BAIAP2L2: variants seen among roughly 807,000 people sequenced by gnomAD.
The protein encoded by BAIAP2L2 is BAR/IMD domain-containing adapter protein 2-like 2.
Under a neutral mutation model 60.4 loss-of-function variants are expected in BAIAP2L2, and 65 were observed. That is an observed-to-expected ratio of 1.08 (90% CI 0.88 to 1.32). The LOEUF (loss-of-function observed/expected upper bound fraction) is 1.32, where lower values mean the gene tolerates loss of function less well. Ranked by LOEUF, BAIAP2L2 falls within the 40% of genes most tolerant of loss-of-function variation. BAIAP2L2 has a pLI of 0.00. For synonymous variants in BAIAP2L2, 344 were observed against 301.7 expected (o/e 1.14, Z -1.45); for missense variants, 836 against 741.2 (o/e 1.13, Z -1.48).
intron 10 of BAIAP2L2, 106 bp downstream of exon 10, chr22:38,088,642 C>T (rs2086172733): frequency 9.4e-6 from 11 of 1,165,462 alleles, no homozygotes; most frequent in Non-Finnish European, 1.2e-5. Flanking sequence ...TTGTCCGAGG[C>T]CCCCGGGGGA....
At chr22:38,098,548 T>C in intron 4 of BAIAP2L2, 66 bp from the exon 5 acceptor site, 1 of 1,335,792 alleles carries the variant, frequency 7.5e-7, no homozygotes, top group Non-Finnish European at 1.1e-6. Context: ...AGCACCCCCT[T>C]GCACTTTCTG....
At chr22:38,098,008 CCGAGG>C in intron 6 of BAIAP2L2, 50 bp downstream of exon 6, 2 of 506,978 alleles carry the variant, frequency 3.9e-6, no homozygotes, top group Non-Finnish European at 2.8e-6. Context: ...CGGTCTCGCC[CCGAGG>C]TCTGCCCACC....
intron 12 of BAIAP2L2, 77 bp from the exon 13 acceptor site, chr22:38,085,809 C>T: frequency 7.3e-7 from 1 of 1,373,262 alleles, no homozygotes; most frequent in Non-Finnish European, 1.0e-6. Flanking sequence ...TCCCTCTCCC[C>T]ATGCCCAAGG....
chr22:38,087,158 T>TCATGGGTGC lies in BAIAP2L2; in HGVS notation c.1224_1225insGCACCCATG (p.Met408_Thr409insAlaProMet), dbSNP rs780799342. 6.3e-7 allele frequency: 1 copy of TCATGGGTGC among 1,588,802 alleles called. No individual in the cohort carries two copies. Among genetic ancestry groups the TCATGGGTGC allele is most frequent in the African/African-American group, 1.4e-5 (1 of 73,602 alleles). On this transcript the variant is annotated inframe_insertion, in exon 11 of 14. Transcript: ENST00000381669. ...AGCTCGTTCCCGGGGTTCATGGGTG[T>TCATGGGTGC]CATGGGGGACATGGAGGTCATGGAG...
At position 38,104,518 on chromosome 22, in the gene BAIAP2L2, C is replaced by T. The variant is rs185768083; in HGVS notation, c.276+3334G>A. Among the ~76,000 whole-genome samples, 1,297 of 142,634 alleles carry T rather than the reference C, an allele frequency of 9.1e-3. 31 individuals are homozygous for T. The East Asian group carries it at 0.1, about 11-fold the overall frequency. 93.6% of individuals were successfully genotyped at this position (142,634 alleles called of 152,430 possible). A position where few individuals can be genotyped will look rare whatever the true frequency, so the allele number is the denominator to read the frequency against. ...TTTCTTTTTTTTTTTTTTTTTGAGA[C>T]GGAGTATTGCTCTGTCGCCCAGGCT... On this transcript the variant is annotated intron_variant, in intron 4 of 13. Coordinates refer to ENST00000381669, the MANE Select transcript of BAIAP2L2 (RefSeq NM_025045.6).
In BAIAP2L2 at chr22:38,088,896, C is replaced by A; in HGVS notation, c.970G>T (p.Gly324Trp). Residue 324 changes from glycine (G) to tryptophan (W), a missense_variant, in exon 10 of 14, where the codon GGG (glycine) becomes TGG (tryptophan). Coordinates refer to ENST00000381669, the MANE Select transcript of BAIAP2L2 (RefSeq NM_025045.6). Reference sequence around the variant, plus strand: ...AGGGCGCGGACTCTCCTGGCGCCCCCGCCGCCGCCCGGGCGCTCGCCAAAG... The same window carrying A: ...AGGGCGCGGACTCTCCTGGCGCCCCAGCCGCCGCCCGGGCGCTCGCCAAAG... ...NSFGERPGGG[G>W]GARRVRALVS... The A allele has an allele frequency of 6.4e-7, 1 of 1,571,980 alleles. No individual in the cohort carries two copies. Among genetic ancestry groups the A allele is most frequent in the Non-Finnish European group, 8.6e-7 (1 of 1,167,024 alleles).
At chr22:38,098,333 G>T in intron 5 of BAIAP2L2, 78 bp downstream of exon 5, 1 of 1,496,818 alleles carries the variant, frequency 6.7e-7, no homozygotes, top group Non-Finnish European at 9.3e-7. Context: ...GCACTGGCCT[G>T]TGTGTGCCTA....
intron 4 of BAIAP2L2, among the ~76,000 whole-genome samples, chr22:38,100,955 T>C (rs1430783287): frequency 6.6e-6 from 1 of 152,164 alleles, no homozygotes; most frequent in Admixed American, 6.5e-5. Context: ...CCTTTGCCCC[T>C]AGGGGGCGAC....
chr22:38,087,005 A>G, intron 11 of BAIAP2L2, 119 bp downstream of exon 11: 1 of 1,266,128 alleles, frequency 7.9e-7, no homozygotes, highest in Non-Finnish European at 1.0e-6. Context: ...CAAAAAAAAA[A>G]AAACAAAACA....
intron 7 of BAIAP2L2, among the ~76,000 whole-genome samples, chr22:38,096,324 C>T (rs747486074): frequency 1.3e-5 from 2 of 152,136 alleles, no homozygotes; most frequent in Non-Finnish European, 2.9e-5. Context: ...ACTAGTCTAG[C>T]AGACAGAACA....
chr22:38,107,763 G>T, intron 4 of BAIAP2L2, 89 bp downstream of exon 4: 1 of 1,273,606 alleles, frequency 7.9e-7, no homozygotes, highest in Non-Finnish European at 1.1e-6. Context: ...TCCTCCCTGG[G>T]AAGGGCATCT....
intron 4 of BAIAP2L2, among the ~76,000 whole-genome samples, chr22:38,098,918 T>C (rs2086506678): frequency 6.6e-6 from 1 of 152,226 alleles, no homozygotes; most frequent in Non-Finnish European, 1.5e-5. Context: ...ATTCCTCCAG[T>C]TGTATACAGA....
At position 38,097,100 on chromosome 22, in the gene BAIAP2L2, G is replaced by C. The variant is rs1030186966; in HGVS notation, c.544C>G (p.Arg182Gly). Reference sequence around the variant, plus strand: ...TTCTCTGCTAGGAAGCGATAGCGCCGCTTCTCTTCCAATTCAGCCGCCCGC... The same window carrying C: ...TTCTCTGCTAGGAAGCGATAGCGCCCCTTCTCTTCCAATTCAGCCGCCCGC... ...SQRAAELEEK[R>G]RYRFLAEKHL... The change falls in exon 7 of 14, where the codon CGG becomes GGG. Residue 182 changes from arginine (R) to glycine (G), a missense_variant. Coordinates refer to ENST00000381669, the MANE Select transcript of BAIAP2L2 (RefSeq NM_025045.6). 1 of 1,614,038 alleles carries C rather than the reference G, an allele frequency of 6.2e-7. No homozygotes were observed. Among genetic ancestry groups the C allele is most frequent in the East Asian group, 2.2e-5 (1 of 44,886 alleles).
At chr22:38,105,635 G>A (rs775991776) in intron 4 of BAIAP2L2, among the ~76,000 whole-genome samples, 1 of 152,076 alleles carries the variant, frequency 6.6e-6, no homozygotes, top group African/African-American at 2.4e-5. Flanking sequence ...GAGCCACTGC[G>A]CCGGGACCTT....
chr22:38,085,362 A>G lies in BAIAP2L2; in HGVS notation c.1528T>C (p.Phe510Leu). ...QELFPRGTNP[F>L]ATVKLRPTIT... ...GTGGGACGAAGCTTGACAGTGGCAA[A>G]AGGATTTGTGCCCCTGTAGGAGGAG... The change falls in exon 14 of 14, where the codon TTT (phenylalanine) becomes CTT (leucine). Residue 510 changes from phenylalanine to leucine, a missense_variant. By Grantham distance (22) the Phe-to-Leu change is conservative. Coordinates refer to ENST00000381669, the MANE Select transcript of BAIAP2L2 (RefSeq NM_025045.6). The G allele has an allele frequency of 6.2e-7, 1 of 1,613,870 alleles. No individual in the cohort carries two copies. Among genetic ancestry groups the G allele is most frequent in the Non-Finnish European group, 8.5e-7 (1 of 1,179,856 alleles).
rs993467785 is a variant in BAIAP2L2, at chr22:38,089,783, C to T, written c.613-109G>A. On this transcript the variant is annotated intron_variant, in intron 7 of 13. Transcript: ENST00000381669. ...GAGCTCAGGCCCTACCAGCTCGGGA[C>T]GACCGGATTTTCTAGCTGGAAGGAG... 1.9e-5 allele frequency: 21 copies of T among 1,089,068 alleles called. No individual in the cohort carries two copies. The African/African-American group carries it at 2.8e-4, about 14-fold the overall frequency. 67.5% of individuals were successfully genotyped at this position (1,089,068 alleles called of 1,614,324 possible). A position where few individuals can be genotyped will look rare whatever the true frequency, so the allele number is the denominator to read the frequency against.
At position 38,110,653 on chromosome 22, in the gene BAIAP2L2, C is replaced by A; in HGVS notation, c.-128G>T. The A allele has an allele frequency of 1.5e-6, 1 of 688,268 alleles. No individual in the cohort carries two copies. The highest frequency in any genetic ancestry group is 3.0e-5 in the Admixed American group (1 of 32,844). 42.6% of individuals were successfully genotyped at this position (688,268 alleles called of 1,614,324 possible). On this transcript the variant is annotated 5_prime_UTR_variant, in exon 1 of 14. The change creates a new upstream start codon in the 5' untranslated region. Transcript: ENST00000381669. ...CAGCGAGGAAGCCTCGGAGAGGGACCTGGAGATGGAGGCCTGCCTCAGAGG... is the reference window on the plus strand; with the variant it reads ...CAGCGAGGAAGCCTCGGAGAGGGACATGGAGATGGAGGCCTGCCTCAGAGG...
At position 38,098,110 on chromosome 22, in the gene BAIAP2L2, G is replaced by A; in HGVS notation, c.418C>T (p.Leu140=). 6.3e-7 allele frequency: 1 copy of A among 1,594,410 alleles called. No homozygotes were observed. Among genetic ancestry groups the A allele is most frequent in the Non-Finnish European group, 8.6e-7 (1 of 1,167,700 alleles). ...TCTCTCTTGCGCTCCATGCGCCACA[G>A]CTCAGACATGCACTTCTCCAGGTTG... ...AANLEKCMSE[L]WRMERKRDKN... is the part of the protein sequence containing the mutation. The change falls in exon 6 of 14, where the codon CTG becomes TTG. Residue 140 remains leucine (L), a synonymous_variant. Transcript: ENST00000381669.
intron 2 of BAIAP2L2, among the ~76,000 whole-genome samples, chr22:38,108,775 T>C (rs1375249427): frequency 1.3e-5 from 2 of 151,498 alleles, no homozygotes; most frequent in Non-Finnish European, 2.9e-5. Context: ...GGACTGAGTA[T>C]AGGGGTGGGT....
Sources: gnomAD v4.1 joint callset for allele counts (sites outside exome capture counted in the v4.1 genomes callset) on GRCh38, gnomAD v4.1.1 for gene constraint, MANE v1.5 for transcripts, NCBI Gene and HGNC (gene_info 2026-07-23, HGNC 2026-07-21) for gene names.